Variants in KLHL13 observed in about 807,000 individuals in gnomAD.
The protein encoded by KLHL13 is kelch-like protein 13.
In KLHL13, 10 loss-of-function variants were observed where a neutral mutation model predicts 37.1. That is an observed-to-expected ratio of 0.27 (90% CI 0.17 to 0.46). KLHL13 has a LOEUF of 0.46. Ranked by LOEUF, KLHL13 falls within the 20% of genes least tolerant of loss-of-function variation. KLHL13 has a pLI of 1.00. For missense variants in KLHL13, 360 were observed against 509.3 expected (o/e 0.71, Z 2.82); for synonymous variants, 163 against 181.2 (o/e 0.90, Z 0.81).
chrX:118,060,126 T>C (rs1338085163), intron 1 of KLHL13, among the ~76,000 whole-genome samples: 1 of 111,872 alleles, frequency 8.9e-6, no homozygotes, highest in Non-Finnish European at 1.9e-5. Context: ...ATGCTATGAA[T>C]GAAGGTATGT....
chrX:118,023,717 C>A (rs1209355004), intron 1 of KLHL13, among the ~76,000 whole-genome samples: 1 of 111,170 alleles, frequency 9.0e-6, no homozygotes, highest in Non-Finnish European at 1.9e-5. Context: ...TACAGGTGTG[C>A]ACCACCATGC....
chrX:117,956,924 A>G (rs1412170789), intron 1 of KLHL13, among the ~76,000 whole-genome samples: 1 of 112,470 alleles, frequency 8.9e-6, no homozygotes. Context: ...CTACATACAT[A>G]TTTCTTAATG....
At chrX:117,907,813 G>T (rs1930652831) in intron 5 of KLHL13, among the ~76,000 whole-genome samples, 1 of 110,673 alleles carries the variant, frequency 9.0e-6, no homozygotes, top group Non-Finnish European at 1.9e-5. Context: ...AAAAACTTTG[G>T]GTAGAAAAGA....
At chrX:118,059,234 A>C (rs2054716289) in intron 1 of KLHL13, among the ~76,000 whole-genome samples, 1 of 112,038 alleles carries the variant, frequency 8.9e-6, no homozygotes, top group Non-Finnish European at 1.9e-5. Flanking sequence ...AAAAAATTTA[A>C]CCAAAGTATT....
At chrX:118,093,348 TTATC>T (rs1372941678) in intron 1 of KLHL13, among the ~76,000 whole-genome samples, 2 of 111,887 alleles carry the variant, frequency 1.8e-5, no homozygotes, top group Non-Finnish European at 3.8e-5. Context: ...ATACACTACT[TTATC>T]TAATTTCTAT....
intron 1 of KLHL13, among the ~76,000 whole-genome samples, chrX:118,090,336 C>T (rs778917106): frequency 1.8e-5 from 2 of 110,938 alleles, no homozygotes; most frequent in African/African-American, 6.6e-5. Flanking sequence ...AGTGAACAGG[C>T]AACCTACAGA....
intron 2 of KLHL13, among the ~76,000 whole-genome samples, chrX:117,927,997 A>C (rs899592921): frequency 8.9e-6 from 1 of 112,363 alleles, no homozygotes; most frequent in Non-Finnish European, 1.9e-5. Context: ...CAAAAATAAA[A>C]GTAAAAGGAT....
intron 1 of KLHL13, among the ~76,000 whole-genome samples, chrX:117,962,081 C>T (rs949859151): frequency 3.1e-5 from 3 of 96,805 alleles, no homozygotes; most frequent in African/African-American, 9.8e-5. Context: ...TGTGGTGATG[C>T]GTGCCTGTAG....
intron 2 of KLHL13, among the ~76,000 whole-genome samples, chrX:117,943,624 T>C (rs1933163905): frequency 9.3e-6 from 1 of 107,965 alleles, no homozygotes; most frequent in Non-Finnish European, 1.9e-5. Context: ...GATTTGGCTA[T>C]TGATACTTTT....
rs1316382277 is a variant in KLHL13 at position 117,908,212 on chromosome X, CTGTCTTTT to C, written c.1366+1081_1366+1088del. On this transcript the variant is annotated intron_variant, in intron 5 of 6. Transcript: ENST00000262820. ...TCTTTCTTTCTTCCTTTCTGTCTTT[CTGTCTTTT>C]TTGTATTTTTTATTTATTTACTTAT... Among the ~76,000 whole-genome samples, 8 of 108,350 alleles carry C rather than the reference CTGTCTTTT, an allele frequency of 7.4e-5. No individual in the cohort carries two copies. In the Admixed American group the frequency reaches 8.0e-4, roughly 11 times the overall value. 94.1% of individuals were successfully genotyped at this position (108,350 alleles called of 115,157 possible). A position where few individuals can be genotyped will look rare whatever the true frequency, so the allele number is the denominator to read the frequency against.
rs1200002042 is a variant in KLHL13 at position 118,002,593 on chromosome X, C to T, written c.-55-57018G>A. Among the ~76,000 whole-genome samples, 8 of 91,050 alleles carry T rather than the reference C, an allele frequency of 8.8e-5. No individual in the cohort carries two copies. The Admixed American group carries it at 9.9e-4, about 11-fold the overall frequency. The allele number at this position is 91,050 out of a possible 115,157, so 79.1% of individuals were successfully genotyped here. A position where few individuals can be genotyped will look rare whatever the true frequency, so the allele number is the denominator to read the frequency against. On this transcript the variant is annotated intron_variant, in intron 1 of 6. Transcript: ENST00000371882. ...GGGCAACAAGAGTGAAACTCTGTCTCGAAAATAAATAAATAAATAAATAAA... is the reference window on the plus strand; with the variant it reads ...GGGCAACAAGAGTGAAACTCTGTCTTGAAAATAAATAAATAAATAAATAAA...
Position 117,952,171 on chromosome X carries a change from A to C in KLHL13, c.99-6596T>G, listed in dbSNP as rs149569615. On this transcript the variant is annotated intron_variant, in intron 1 of 6. Transcript: ENST00000262820. ...TCAAACTGTACTACAAGACTACAGT[A>C]ATCAAAACAGCATGGTACTGGTACC... Among the ~76,000 whole-genome samples, 816 of 112,114 alleles carry C rather than the reference A, an allele frequency of 7.3e-3. 11 individuals carry two copies. The highest frequency in any genetic ancestry group is 0.025 in the African/African-American group (775 of 30,873).
intron 2 of KLHL13, among the ~76,000 whole-genome samples, chrX:117,936,878 C>A (rs1256741835): frequency 8.9e-6 from 1 of 111,971 alleles, no homozygotes; most frequent in Non-Finnish European, 1.9e-5. Flanking sequence ...ATCCTCAAAT[C>A]TCTTACCCAG....
chrX:117,913,774 C>T (rs889517320), intron 4 of KLHL13, among the ~76,000 whole-genome samples: 2 of 106,958 alleles, frequency 1.9e-5, no homozygotes, highest in African/African-American at 6.8e-5. Flanking sequence ...ACCCGGGAGG[C>T]GGAGGTTGCT....
chrX:118,071,523 T>A (rs1295786735), intron 1 of KLHL13, among the ~76,000 whole-genome samples: 1 of 112,047 alleles, frequency 8.9e-6, no homozygotes, highest in Non-Finnish European at 1.9e-5. Flanking sequence ...GTGAGCATTT[T>A]TTTCATGTGT....
rs1036606397 is a variant in KLHL13 at position 117,945,420 on chromosome X, A to C, written c.240+14T>G. ...AAGCTACGTAAACACTACCAAAGAG[A>C]CAGCTTAAATTACCTGTAACACCAC... On this transcript the variant is annotated intron_variant, in intron 2 of 6. Transcript: ENST00000262820. The C allele has an allele frequency of 1.3e-5, 16 of 1,202,732 alleles. No individual in the cohort carries two copies. The highest frequency in any genetic ancestry group is 1.8e-5 in the Non-Finnish European group (16 of 891,380).
chrX:118,057,456 A>G (rs2054696844), intron 1 of KLHL13, among the ~76,000 whole-genome samples: 1 of 112,640 alleles, frequency 8.9e-6, no homozygotes, highest in South Asian at 3.7e-4. Flanking sequence ...TGACACCAAA[A>G]GCATGAGCAA....
rs12389269 is a variant in KLHL13 at position 117,964,709 on chromosome X, G to A, written c.98+8022C>T. On this transcript the variant is annotated intron_variant, in intron 1 of 6. Transcript: ENST00000262820. ...CCATTAACTCGTCATTTAACATTAGGCATATCTCCTAATGCTATCCATCCC... is the reference window on the plus strand; with the variant it reads ...CCATTAACTCGTCATTTAACATTAGACATATCTCCTAATGCTATCCATCCC... 7.1e-3 allele frequency among the ~76,000 whole-genome samples: 784 copies of A among 110,991 alleles called. 3 individuals are homozygous for A. Among genetic ancestry groups the A allele is most frequent in the African/African-American group, 0.024 (740 of 30,345 alleles).
rs750755409 is a variant in KLHL13 at position 117,991,137 on chromosome X, T to TAAAA, written c.-55-45566_-55-45563dup. 7.5e-4 allele frequency among the ~76,000 whole-genome samples: 63 copies of TAAAA among 83,889 alleles called. 12 individuals are homozygous for TAAAA. Among genetic ancestry groups the TAAAA allele is most frequent in the African/African-American group, 4.6e-3 (61 of 13,334 alleles). The allele number at this position is 83,889 out of a possible 115,157, so 72.8% of individuals were successfully genotyped here. The stretch of plus-strand genomic sequence containing the variant: ...AAGGCTGGAAATTTTCATTAAAAAG[T>TAAAA]AAAAAAAAAAAAGTCTTATAAATGA... On this transcript the variant is annotated intron_variant, in intron 1 of 6. Transcript: ENST00000371882.
Sources: allele counts gnomAD v4.1 joint callset (sites outside exome capture counted in the v4.1 genomes callset), GRCh38; gene constraint gnomAD v4.1.1; transcripts MANE v1.5; gene names NCBI Gene and HGNC (gene_info 2026-07-23, HGNC 2026-07-21).